Variants in RPA1 observed in about 807,000 individuals in gnomAD.
RPA1 encodes replication protein A1.
A neutral mutation model predicts 83.0 loss-of-function variants in RPA1; 49 were observed. The ratio of observed to expected loss-of-function variants is 0.59; its 90% CI spans 0.47 to 0.75. RPA1 has a LOEUF of 0.75. Ranked by LOEUF, RPA1 falls within the 30% of genes least tolerant of loss-of-function variation. The pLI is 0.00. For missense variants in RPA1, 693 were observed against 776.1 expected (o/e 0.89, Z 1.27); for synonymous variants, 279 against 281.8 (o/e 0.99, Z 0.10).
intron 5 of RPA1, among the ~76,000 whole-genome samples, chr17:1,863,503 G>A (rs1259698557): frequency 1.3e-5 from 2 of 152,076 alleles, no homozygotes; most frequent in Non-Finnish European, 2.9e-5. Context: ...GTGAGCCACC[G>A]TGCCTGGCCC....
At chr17:1,866,071 T>C (rs1013414155) in intron 5 of RPA1, among the ~76,000 whole-genome samples, 14 of 151,976 alleles carry the variant, frequency 9.2e-5, no homozygotes, top group African/African-American at 3.1e-4. Context: ...CGAAACCCTG[T>C]CTCTACCAAA....
chr17:1,888,558 C>T (rs2091855499), intron 13 of RPA1, 117 bp from the exon 14 acceptor site: 1 of 927,540 alleles, frequency 1.1e-6, no homozygotes, highest in South Asian at 1.8e-5. Flanking sequence ...CATGTGTAAT[C>T]TTGAGGATGT....
intron 1 of RPA1, among the ~76,000 whole-genome samples, chr17:1,831,755 C>T (rs190033029): frequency 5.9e-5 from 9 of 151,648 alleles, no homozygotes; most frequent in South Asian, 2.1e-4. Context: ...CCCGCCACCA[C>T]GCCCGGCTAA....
chr17:1,844,744 A>G, intron 4 of RPA1, 58 bp downstream of exon 4: 2 of 1,336,182 alleles, frequency 1.5e-6, no homozygotes, highest in Non-Finnish European at 2.1e-6. Flanking sequence ...AAATTTAGGA[A>G]TAAAAAAGGC....
chr17:1,874,997 T>G (rs1913522077), intron 6 of RPA1, among the ~76,000 whole-genome samples: 1 of 152,240 alleles, frequency 6.6e-6, no homozygotes, highest in Non-Finnish European at 1.5e-5. Flanking sequence ...ATAAAAGAAC[T>G]CACCTGATTC....
intron 8 of RPA1, 50 bp downstream of exon 8, chr17:1,877,364 C>T (rs772983955): frequency 1.3e-6 from 2 of 1,528,366 alleles, no homozygotes; most frequent in South Asian, 1.1e-5. Context: ...CGCCGGGAAA[C>T]AGAAGGCTCA....
chr17:1,874,012 A>AAAAAAATATATATATATATAT (rs1555592994), intron 6 of RPA1, among the ~76,000 whole-genome samples: 1 of 93,864 alleles, frequency 1.1e-5, no homozygotes, highest in African/African-American at 5.1e-5. Flanking sequence ...AAAAAAAAAA[A>AAAAAAATATATATATATATAT]ATATATATAT....
rs183619642 is a variant in RPA1, at chr17:1,898,102, A to G, written c.*927A>G. 5.3e-4 allele frequency: 81 copies of G among 152,328 alleles called. No individual in the cohort carries two copies. Among genetic ancestry groups the G allele is most frequent in the African/African-American group, 1.8e-3 (76 of 41,580 alleles). The allele number at this position is 152,328 out of a possible 1,614,324, so 9.4% of individuals were successfully genotyped here. A position where few individuals can be genotyped will look rare whatever the true frequency, so the allele number is the denominator to read the frequency against. ...CTTTCTTTGAATGCAAAGAGTTCCT[A>G]TAACTGGAAAGCAATTAATTAGCCT... On this transcript the variant is annotated 3_prime_UTR_variant, in exon 17 of 17. Transcript: ENST00000254719.
chr17:1,860,976 T>G (rs1376859924), intron 5 of RPA1, among the ~76,000 whole-genome samples: 1 of 152,208 alleles, frequency 6.6e-6, no homozygotes, highest in African/African-American at 2.4e-5. Flanking sequence ...AATCGAGACC[T>G]GACAGACTGT....
intron 1 of RPA1, among the ~76,000 whole-genome samples, chr17:1,839,734 C>G (rs1911969038): frequency 6.7e-6 from 1 of 149,220 alleles, no homozygotes; most frequent in Admixed American, 6.7e-5. Context: ...CTCCCTGGCT[C>G]AAGTGATCCT....
chr17:1,875,921 T>A, intron 7 of RPA1, 128 bp downstream of exon 7: 52 of 755,168 alleles, frequency 6.9e-5, no homozygotes, highest in Non-Finnish European at 8.5e-5. Context: ...ATGGGTTTAC[T>A]CTTTTTTTTT....
chr17:1,846,257 T>C (rs1425833913), intron 4 of RPA1, among the ~76,000 whole-genome samples: 3 of 151,104 alleles, frequency 2.0e-5, no homozygotes, highest in Non-Finnish European at 4.4e-5. Context: ...AATGTTGATC[T>C]GGAGAAGTCT....
chr17:1,843,837 A>G (rs1314984153), intron 2 of RPA1, 83 bp from the exon 3 acceptor site: 3 of 1,080,912 alleles, frequency 2.8e-6, no homozygotes, highest in Non-Finnish European at 4.2e-6. Flanking sequence ...CTAATGGCAA[A>G]CCCACTCTCC....
intron 6 of RPA1, among the ~76,000 whole-genome samples, 153 bp from the exon 7 acceptor site, chr17:1,875,508 G>GT (rs1332338017): frequency 6.6e-6 from 1 of 151,974 alleles, no homozygotes; most frequent in Non-Finnish European, 1.5e-5. Flanking sequence ...TTTGATCTGC[G>GT]TATCTCTTGC....
In RPA1 at chr17:1,877,425, G is replaced by A. The variant is rs41558914; in HGVS notation, c.690+111G>A. 4.0e-3 allele frequency: 3,510 copies of A among 874,208 alleles called. 8 individuals are homozygous for A. The highest frequency in any genetic ancestry group is 5.8e-3 in the Non-Finnish European group (3,144 of 541,990). The allele number at this position is 874,208 out of a possible 1,614,324, so 54.2% of individuals were successfully genotyped here. A position where few individuals can be genotyped will look rare whatever the true frequency, so the allele number is the denominator to read the frequency against. The stretch of plus-strand genomic sequence containing the variant: ...TGGGAAACAGAAGGCTCAGCTCTGC[G>A]GAGGGCAGTGGGCTCGCCGAGAAAC... On this transcript the variant is annotated intron_variant, in intron 8 of 16. Transcript: ENST00000254719.
At chr17:1,841,008 A>G (rs992770498) in intron 1 of RPA1, among the ~76,000 whole-genome samples, 3 of 152,208 alleles carry the variant, frequency 2.0e-5, no homozygotes, top group Admixed American at 6.5e-5. Context: ...TAGAGGTTGC[A>G]GTGAGCTGAG....
intron 1 of RPA1, among the ~76,000 whole-genome samples, chr17:1,838,163 C>T (rs1258655025): frequency 6.7e-6 from 1 of 148,696 alleles, no homozygotes; most frequent in Non-Finnish European, 1.5e-5. Flanking sequence ...TGGTGGCAGG[C>T]ACCTGTAGTC....
At position 1,897,318 on chromosome 17, in the gene RPA1, ATC is replaced by A. The variant is rs1220085405; in HGVS notation, c.*146_*147del. On this transcript the variant is annotated 3_prime_UTR_variant, in exon 17 of 17. Transcript: ENST00000254719. ...CTAAGCAATTTCCCCCCTCGTGCGC[ATC>A]TCAGAACCCATCGGTAGGCAAAGGA... The A allele has an allele frequency of 7.9e-6, 5 of 636,426 alleles. No homozygotes were observed. Among genetic ancestry groups the A allele is most frequent in the Admixed American group, 6.1e-5 (2 of 33,046 alleles). The allele number at this position is 636,426 out of a possible 1,614,324, so 39.4% of individuals were successfully genotyped here. A position where few individuals can be genotyped will look rare whatever the true frequency, so the allele number is the denominator to read the frequency against.
chr17:1,849,453 C>T (rs980738472), intron 4 of RPA1, among the ~76,000 whole-genome samples: 3 of 151,816 alleles, frequency 2.0e-5, no homozygotes, highest in African/African-American at 7.3e-5. Flanking sequence ...CCGCCACGCC[C>T]GGCTAATTTT....
Sources: allele counts gnomAD v4.1 joint callset (sites outside exome capture counted in the v4.1 genomes callset), GRCh38; gene constraint gnomAD v4.1.1; transcripts MANE v1.5; gene names NCBI Gene and HGNC (gene_info 2026-07-23, HGNC 2026-07-21).